TYW1B: variants seen among roughly 807,000 people sequenced by gnomAD.
TYW1B encodes tRNA-yW synthesizing protein 1 homolog B, also known as S-adenosyl-L-methionine-dependent tRNA 4-demethylwyosine synthase TYW1B.
Under a neutral mutation model 86.9 loss-of-function variants are expected in TYW1B, and 73 were observed. That is an observed-to-expected ratio of 0.84 (90% CI 0.70 to 1.02). The LOEUF (loss-of-function observed/expected upper bound fraction) is 1.02, where lower values mean the gene tolerates loss of function less well. Among genes scored for constraint, TYW1B ranks in the 50% least tolerant of loss-of-function variants. The pLI is 0.00. For synonymous variants in TYW1B, 248 were observed against 292.8 expected, an observed-to-expected ratio of 0.85 and a Z score of 1.56; for missense variants, 637 against 827.4, an observed-to-expected ratio of 0.77 and a Z score of 2.82.
At chr7:72,724,702 T>C (rs1189862873) in intron 9 of TYW1B, among the ~76,000 whole-genome samples, 2 of 152,188 alleles carry the variant, frequency 1.3e-5, no homozygotes, top group Non-Finnish European at 2.9e-5. Flanking sequence ...CACTGATGTT[T>C]TCCTGACATG....
chr7:72,603,212 TG>T (rs568422644), intron 13 of TYW1B, among the ~76,000 whole-genome samples: 62 of 149,008 alleles, frequency 4.2e-4, no homozygotes, highest in Admixed American at 2.3e-3. Context: ...AGAGATTAGC[TG>T]GACAGATAGA....
rs573299179 is a variant in TYW1B at position 72,778,867 on chromosome 7, T to C, written c.847-1334A>G. 4.1e-4 allele frequency among the ~76,000 whole-genome samples: 62 copies of C among 152,318 alleles called. 1 individual carries two copies. Among genetic ancestry groups the C allele is most frequent in the Non-Finnish European group, 7.6e-4 (52 of 68,028 alleles). Reference sequence around the variant, plus strand: ...AACCTTGCAGCATGCTGGTCTTCTATTCATTGTAACTGGCTTGATATGACA... The same window carrying C: ...AACCTTGCAGCATGCTGGTCTTCTACTCATTGTAACTGGCTTGATATGACA... On this transcript the variant is annotated intron_variant, in intron 6 of 13. Coordinates refer to ENST00000620995, the MANE Select transcript of TYW1B (RefSeq NM_001145440.3).
chr7:72,802,042 T>A (rs1376782095), intron 6 of TYW1B, among the ~76,000 whole-genome samples: 2 of 7,024 alleles, frequency 2.8e-4, no homozygotes, highest in Admixed American at 1.4e-3. Flanking sequence ...TATTTTGCGA[T>A]TTTTTTTTTT....
intron 11 of TYW1B, among the ~76,000 whole-genome samples, chr7:72,642,106 A>G (rs1812813669): frequency 6.6e-6 from 1 of 152,248 alleles, no homozygotes; most frequent in African/African-American, 2.4e-5. Context: ...TGACAAGGGT[A>G]CAAAGACAAT....
chr7:72,767,472 T>C (rs1787790489), intron 7 of TYW1B, among the ~76,000 whole-genome samples: 1 of 151,144 alleles, frequency 6.6e-6, no homozygotes, highest in South Asian at 2.1e-4. Flanking sequence ...TAGCCGGGTG[T>C]GGTGGCGGGC....
chr7:72,617,893 A>C (rs1554437214), intron 12 of TYW1B, among the ~76,000 whole-genome samples: 2 of 152,224 alleles, frequency 1.3e-5, no homozygotes. Context: ...ACAAGACCCC[A>C]GAATTTCATA....
At chr7:72,623,299 G>A (rs1812270727) in intron 12 of TYW1B, among the ~76,000 whole-genome samples, 1 of 152,064 alleles carries the variant, frequency 6.6e-6, no homozygotes, top group Admixed American at 6.6e-5. Context: ...TGCATCTGCA[G>A]GGAGCTCCAG....
intron 9 of TYW1B, chr7:72,722,830 A>C (rs1229003768): frequency 1.2e-4 from 64 of 518,314 alleles, no homozygotes; most frequent in East Asian, 1.9e-4. Context: ...GGGAACTCAC[A>C]CTAGAAAGCA....
At chr7:72,796,487 C>T (rs1258687025) in intron 6 of TYW1B, among the ~76,000 whole-genome samples, 7 of 150,890 alleles carry the variant, frequency 4.6e-5, no homozygotes, top group Admixed American at 1.3e-4. Context: ...CCACCCACCT[C>T]GGTCTCCCAA....
At chr7:72,691,717 C>G (rs1358208222) in intron 11 of TYW1B, among the ~76,000 whole-genome samples, 1 of 152,078 alleles carries the variant, frequency 6.6e-6, no homozygotes, top group Non-Finnish European at 1.5e-5. Context: ...TATGTAAATC[C>G]AAGACCGCTT....
rs138076732 is a variant in TYW1B at position 72,645,389 on chromosome 7, G to C, written c.1507-16392C>G. On this transcript the variant is annotated intron_variant, in intron 11 of 13. Transcript: ENST00000620995. ...CGATTGTCTGGCACTATCTACTAAT[G>C]ATGACTGAACGCAGAACACCCAATG... 2.0e-4 allele frequency among the ~76,000 whole-genome samples: 30 copies of C among 152,276 alleles called. No homozygotes were observed. The East Asian group carries it at 4.8e-3, about 24-fold the overall frequency.
intron 13 of TYW1B, among the ~76,000 whole-genome samples, chr7:72,576,464 C>T (rs1414625689): frequency 7.3e-5 from 11 of 150,444 alleles, no homozygotes; most frequent in African/African-American, 2.7e-4. Flanking sequence ...AACTAATACG[C>T]TGATACCTGA....
intron 8 of TYW1B, among the ~76,000 whole-genome samples, chr7:72,732,337 T>C (rs1354653368): frequency 6.6e-6 from 1 of 152,200 alleles, no homozygotes; most frequent in Non-Finnish European, 1.5e-5. Context: ...CACAATCTTC[T>C]TATCCATACA....
At chr7:72,579,675 G>T (rs375568113) in intron 13 of TYW1B, among the ~76,000 whole-genome samples, 2 of 152,182 alleles carry the variant, frequency 1.3e-5, no homozygotes, top group East Asian at 3.9e-4. Context: ...TTAAGAGATA[G>T]GTTCTCACTC....
chr7:72,575,349 C>T lies in TYW1B; in HGVS notation c.*149G>A. On this transcript the variant is annotated 3_prime_UTR_variant, in exon 14 of 14. Coordinates refer to ENST00000620995, the MANE Select transcript of TYW1B (RefSeq NM_001145440.3). Reference sequence around the variant, plus strand: ...CAGGCCCTCTGAGTGTGGACGCTGTCCCCCGTGTCTCCATGTTTACTGCCT... The same window carrying T: ...CAGGCCCTCTGAGTGTGGACGCTGTTCCCCGTGTCTCCATGTTTACTGCCT... 1 of 1,445,646 alleles carries T rather than the reference C, an allele frequency of 6.9e-7. No homozygotes were observed. Among genetic ancestry groups the T allele is most frequent in the Non-Finnish European group, 9.1e-7 (1 of 1,098,256 alleles). 89.6% of individuals were successfully genotyped at this position (1,445,646 alleles called of 1,614,324 possible).
chr7:72,739,783 T>A (rs1554461729), intron 8 of TYW1B, among the ~76,000 whole-genome samples: 1 of 143,502 alleles, frequency 7.0e-6, no homozygotes, highest in South Asian at 2.4e-4. Context: ...AGCACCTGCA[T>A]GCGCCTGGGA....
At chr7:72,728,749 G>C in intron 9 of TYW1B, 73 bp downstream of exon 9, 1 of 1,437,574 alleles carries the variant, frequency 7.0e-7, no homozygotes, top group Non-Finnish European at 9.4e-7. Flanking sequence ...CTACCAAAGA[G>C]GCAATTCTTC....
At chr7:72,681,331 A>C (rs1464888331) in intron 11 of TYW1B, among the ~76,000 whole-genome samples, 1 of 152,224 alleles carries the variant, frequency 6.6e-6, no homozygotes, top group Non-Finnish European at 1.5e-5. Context: ...GGCATAACAC[A>C]CATCTTGCCT....
chr7:72,742,423 C>T (rs1554462669), intron 8 of TYW1B, among the ~76,000 whole-genome samples: 1 of 152,176 alleles, frequency 6.6e-6, no homozygotes, highest in African/African-American at 2.4e-5. Flanking sequence ...AGCCACTGCA[C>T]CCGGCCAGTA....
Sources: allele counts gnomAD v4.1 joint callset (sites outside exome capture counted in the v4.1 genomes callset), GRCh38; gene constraint gnomAD v4.1.1; transcripts MANE v1.5; gene names NCBI Gene and HGNC (gene_info 2026-07-23, HGNC 2026-07-21).